SLC7A14: variants seen among roughly 807,000 people sequenced by gnomAD.
The protein encoded by SLC7A14 is solute carrier family 7 member 14, also known as gamma-aminobutyric acid transporter SLC7A14.
Under a neutral mutation model 60.2 loss-of-function variants are expected in SLC7A14, and 37 were observed. That is an observed-to-expected ratio of 0.61 (90% CI 0.47 to 0.81). The LOEUF (loss-of-function observed/expected upper bound fraction) is 0.81, where lower values mean the gene tolerates loss of function less well. SLC7A14 is among the 30% of genes least tolerant of loss of function. The pLI is 0.00. For synonymous variants in SLC7A14, 399 were observed against 395.8 expected (o/e 1.01, Z -0.10); for missense variants, 886 against 982.7 (o/e 0.90, Z 1.32).
At chr3:170,523,441 T>C (rs952268752) in intron 2 of SLC7A14, among the ~76,000 whole-genome samples, 3 of 152,232 alleles carry the variant, frequency 2.0e-5, no homozygotes, top group Admixed American at 6.5e-5. Context: ...CCACTTTTCA[T>C]GAGTCATCGT....
chr3:170,509,268 G>T (rs988665684), intron 2 of SLC7A14, among the ~76,000 whole-genome samples: 1 of 152,148 alleles, frequency 6.6e-6, no homozygotes, highest in African/African-American at 2.4e-5. Context: ...CCAAGCAGGC[G>T]CCAGGTGGAC....
intron 7 of SLC7A14, among the ~76,000 whole-genome samples, chr3:170,472,975 A>T (rs1045516888): frequency 1.3e-5 from 2 of 152,142 alleles, no homozygotes; most frequent in Admixed American, 6.5e-5. Context: ...TTTATATATT[A>T]AAAAAAGCAC....
chr3:170,571,270 G>A (rs1560284221), intron 1 of SLC7A14, among the ~76,000 whole-genome samples: 1 of 152,270 alleles, frequency 6.6e-6, no homozygotes, highest in East Asian at 1.9e-4. Flanking sequence ...ATGAGTTCCT[G>A]GCACATGTAG....
At chr3:170,520,685 T>C (rs549044075) in intron 2 of SLC7A14, among the ~76,000 whole-genome samples, 9 of 152,302 alleles carry the variant, frequency 5.9e-5, no homozygotes, top group African/African-American at 1.7e-4. Context: ...ATTTGGGAAA[T>C]GGGCTTGAAG....
intron 2 of SLC7A14, among the ~76,000 whole-genome samples, chr3:170,505,398 A>C (rs1483781401): frequency 6.6e-6 from 1 of 152,212 alleles, no homozygotes; most frequent in Admixed American, 6.5e-5. Context: ...GTTGAAATAA[A>C]TATTGTTTTT....
intron 4 of SLC7A14, among the ~76,000 whole-genome samples, chr3:170,494,589 G>T (rs909737477): frequency 6.6e-6 from 1 of 152,246 alleles, no homozygotes; most frequent in Non-Finnish European, 1.5e-5. Context: ...TTACACAGAG[G>T]ATATTAACTC....
In SLC7A14 at chr3:170,585,713, A is replaced by G. The variant is rs1715367492; in HGVS notation, c.-153+198T>C. ...GCCAGAGCAGGAAAGAGCCCGACCC[A>G]CCTCCTCGGTTCTTCCAGGGAACCC... is the stretch of plus-strand genomic sequence containing the variant. On this transcript the variant is annotated intron_variant, in intron 1 of 7. Transcript: ENST00000231706. The surrounding 1 kb of genome is among the most constrained non-coding windows in gnomAD (Gnocchi z 5.1). Among the ~76,000 whole-genome samples, 3 of 149,064 alleles carry G rather than the reference A, an allele frequency of 2.0e-5. No homozygotes were observed. The highest frequency in any genetic ancestry group is 6.7e-5 in the Admixed American group (1 of 14,990).
At chr3:170,565,531 AG>A (rs1022291590) in intron 1 of SLC7A14, among the ~76,000 whole-genome samples, 1 of 152,202 alleles carries the variant, frequency 6.6e-6, no homozygotes, top group African/African-American at 2.4e-5. Context: ...CCTAGGAAAA[AG>A]GGGTGACAAC....
chr3:170,541,727 T>C (rs923168062), intron 1 of SLC7A14, among the ~76,000 whole-genome samples: 1 of 152,236 alleles, frequency 6.6e-6, no homozygotes, highest in Admixed American at 6.5e-5. Context: ...ATGGGGAATC[T>C]ATGAGTGGTG....
Position 170,490,577 on chromosome 3 carries a change from G to A in SLC7A14, c.760-4209C>T, listed in dbSNP as rs564370920. 5.4e-4 allele frequency among the ~76,000 whole-genome samples: 82 copies of A among 152,336 alleles called. 1 individual carries two copies. Among genetic ancestry groups the A allele is most frequent in the African/African-American group, 1.8e-3 (73 of 41,570 alleles). ...TTGAAGAGCAGAAGACTCAGTGGAA[G>A]ATGAAGAGGACACCTTTAAATATGT... On this transcript the variant is annotated intron_variant, in intron 4 of 7. Transcript: ENST00000231706.
At chr3:170,511,385 G>A (rs955987001) in intron 2 of SLC7A14, among the ~76,000 whole-genome samples, 5 of 151,350 alleles carry the variant, frequency 3.3e-5, no homozygotes, top group African/African-American at 7.3e-5. Flanking sequence ...CAACAAGAGC[G>A]AAACTCCGTC....
chr3:170,501,713 T>C (rs943697039), intron 2 of SLC7A14, among the ~76,000 whole-genome samples: 2 of 152,240 alleles, frequency 1.3e-5, no homozygotes, highest in East Asian at 3.8e-4. Flanking sequence ...GGTTATATTA[T>C]GCACAAACTT....
rs182983698 is a variant in SLC7A14 at position 170,506,145 on chromosome 3, A to G, written c.305-4800T>C. Among the ~76,000 whole-genome samples, 298 of 152,354 alleles carry G rather than the reference A, an allele frequency of 2.0e-3. 1 individual carries two copies. Among genetic ancestry groups the G allele is most frequent in the South Asian group, 5.4e-3 (26 of 4,822 alleles). On this transcript the variant is annotated intron_variant, in intron 2 of 7. Coordinates refer to ENST00000231706, the MANE Select transcript of SLC7A14 (RefSeq NM_020949.3). ...CAGGCAGCCATCAGTGAGTGACTGC[A>G]TGCTGCAGACCACATGATGGAAATT...
intron 6 of SLC7A14, among the ~76,000 whole-genome samples, chr3:170,483,034 C>T (rs1711884919): frequency 6.6e-6 from 1 of 151,892 alleles, no homozygotes; most frequent in Non-Finnish European, 1.5e-5. Context: ...GCAGTTTGGC[C>T]CCATCATCTT....
chr3:170,480,524 A>G lies in SLC7A14; in HGVS notation c.1758T>C (p.Gly586=). 1 of 1,614,222 alleles carries G rather than the reference A, an allele frequency of 6.2e-7. No individual in the cohort carries two copies. The highest frequency in any genetic ancestry group is 1.1e-5 in the South Asian group (1 of 91,074). ...AGCTCTGCTCTGAGATGTAGTCAGA[A>G]CCAAAGATGATGAAGGAGCAGAAGA... is the stretch of plus-strand genomic sequence containing the variant. ...MFIFCSFIIF[G]SDYISEQSWW... The change falls in exon 7 of 8, where the codon GGT becomes GGC. Residue 586 remains glycine, a synonymous_variant. Transcript: ENST00000231706.
At chr3:170,501,084 G>A (rs1342808877) in intron 3 of SLC7A14, 25 bp downstream of exon 3, 1 of 1,609,144 alleles carries the variant, frequency 6.2e-7, no homozygotes, top group East Asian at 2.2e-5. Context: ...TGCATGTTGA[G>A]GGTAGGAGGA....
At chr3:170,567,968 T>C (rs1338756386) in intron 1 of SLC7A14, among the ~76,000 whole-genome samples, 8 of 151,186 alleles carry the variant, frequency 5.3e-5, no homozygotes, top group East Asian at 1.9e-4. Flanking sequence ...TGCCTGTTCA[T>C]TCTGATGGTA....
Position 170,541,660 on chromosome 3 carries a change from TA to T in SLC7A14, c.-152-14573del, listed in dbSNP as rs553926472. Among the ~76,000 whole-genome samples, 990 of 152,240 alleles carry T rather than the reference TA, an allele frequency of 6.5e-3. 8 individuals carry two copies. Among genetic ancestry groups the T allele is most frequent in the Middle Eastern group, 0.01 (3 of 294 alleles). On this transcript the variant is annotated intron_variant, in intron 1 of 7. Coordinates refer to ENST00000231706, the MANE Select transcript of SLC7A14 (RefSeq NM_020949.3). The stretch of plus-strand genomic sequence containing the variant: ...GGATAAATTAAAACAACTACAGCAA[TA>T]AAAAATATGATTTAATTTTATTCTC...
rs1360768744 is a variant in SLC7A14, at chr3:170,585,652, G to A, written c.-153+259C>T. ...CAGCTCCCGCGAGTCAGAGCCCGGTGCCCCCAGACCGCGGGCAGTCGGGGC... is the reference window on the plus strand; with the variant it reads ...CAGCTCCCGCGAGTCAGAGCCCGGTACCCCCAGACCGCGGGCAGTCGGGGC... On this transcript the variant is annotated intron_variant, in intron 1 of 7. Transcript: ENST00000231706. The surrounding 1 kb of genome is among the most constrained non-coding windows in gnomAD (Gnocchi z 5.1). Among the ~76,000 whole-genome samples the A allele has an allele frequency of 6.6e-6, 1 of 152,086 alleles. No individual in the cohort carries two copies. The highest frequency in any genetic ancestry group is 2.4e-5 in the African/African-American group (1 of 41,434).
Sources: gnomAD v4.1 joint callset for allele counts (sites outside exome capture counted in the v4.1 genomes callset) on GRCh38, gnomAD v4.1.1 for gene constraint, Gnocchi (gnomAD v3.1) non-coding constraint, MANE v1.5 for transcripts, NCBI Gene and HGNC (gene_info 2026-07-23, HGNC 2026-07-21) for gene names.